The following TERF2 variants were observed in gnomAD, a reference collection of about 807,000 sequenced individuals.
The protein encoded by TERF2 is telomeric repeat binding factor 2.
In TERF2, 16 loss-of-function variants were observed where a neutral mutation model predicts 56.1. That is an observed-to-expected ratio of 0.29 (90% confidence interval 0.19 to 0.43). The LOEUF (loss-of-function observed/expected upper bound fraction) is 0.43, where lower values mean the gene tolerates loss of function less well. TERF2 is among the 20% of genes least tolerant of loss of function. TERF2 has a pLI of 1.00. For synonymous variants in TERF2, 296 were observed against 282.1 expected (o/e 1.05, Z -0.50); for missense variants, 547 against 712.9 (o/e 0.77, Z 2.65).
At chr16:69,383,463 A>G (rs1255301477) in intron 3 of TERF2, among the ~76,000 whole-genome samples, 1 of 152,250 alleles carries the variant, frequency 6.6e-6, no homozygotes, top group East Asian at 1.9e-4. Flanking sequence ...TTCTGAAAGT[A>G]GGCATGAATT....
In TERF2 at chr16:69,356,247, C is replaced by T. The variant is rs1240222336; in HGVS notation, c.*651G>A. ...ACAGGTCATGGAGTCACAAGTGGCT[C>T]CTAATAGACTTCACCATTTCCTAGG... On this transcript the variant is annotated 3_prime_UTR_variant, in exon 10 of 10. Transcript: ENST00000254942. 4.4e-6 allele frequency: 2 copies of T among 452,220 alleles called. No individual in the cohort carries two copies. The highest frequency in any genetic ancestry group is 8.9e-6 in the Non-Finnish European group (2 of 225,694). 28.0% of individuals were successfully genotyped at this position (452,220 alleles called of 1,614,324 possible). A position where few individuals can be genotyped will look rare whatever the true frequency, so the allele number is the denominator to read the frequency against.
intron 3 of TERF2, among the ~76,000 whole-genome samples, chr16:69,380,638 C>G (rs1946232160): frequency 6.9e-6 from 1 of 145,110 alleles, no homozygotes; most frequent in African/African-American, 2.6e-5. Flanking sequence ...GCCTGGGCGA[C>G]AGAGAGAGAC....
intron 7 of TERF2, 150 bp from the exon 8 acceptor site, chr16:69,361,639 C>A (rs1335194060): frequency 1.5e-6 from 1 of 645,218 alleles, no homozygotes; most frequent in Non-Finnish European, 2.8e-6. Context: ...CCCAAAGCCA[C>A]TGTCCTTTCT....
At chr16:69,362,305 C>G (rs952290734) in intron 7 of TERF2, among the ~76,000 whole-genome samples, 2 of 152,034 alleles carry the variant, frequency 1.3e-5, no homozygotes, top group African/African-American at 4.8e-5. Context: ...GTGAAGCCTC[C>G]TCTAACTACC....
intron 8 of TERF2, among the ~76,000 whole-genome samples, chr16:69,358,913 A>G (rs1258383276): frequency 6.6e-6 from 1 of 152,234 alleles, no homozygotes; most frequent in African/African-American, 2.4e-5. Flanking sequence ...TGCCTACGAT[A>G]TATGGTGTAG....
At chr16:69,359,507 A>G (rs1361011639) in intron 8 of TERF2, among the ~76,000 whole-genome samples, 6 of 147,792 alleles carry the variant, frequency 4.1e-5, no homozygotes, top group Non-Finnish European at 7.5e-5. Context: ...CAGCCTGGGC[A>G]ACAGAGCGAG....
At chr16:69,383,182 TAAATCTGA>T (rs1567457047) in intron 3 of TERF2, among the ~76,000 whole-genome samples, 1 of 152,182 alleles carries the variant, frequency 6.6e-6, no homozygotes, top group Non-Finnish European at 1.5e-5. Context: ...TTGAGCATCC[TAAATCTGA>T]AAATCCGAAA....
rs759038692 is a variant in TERF2, at chr16:69,372,369, GA to G, written c.607-15del. Reference sequence around the variant, plus strand: ...AATAATGACAGCCTAAAAAGGAGGGGAAAAATCTTTTTTTACTTTTGTAATG... The same window carrying G: ...AATAATGACAGCCTAAAAAGGAGGGGAAAATCTTTTTTTACTTTTGTAATG... On this transcript the variant is annotated splice_polypyrimidine_tract_variant and intron_variant, in intron 3 of 9. Transcript: ENST00000254942. The G allele has an allele frequency of 6.4e-7, 1 of 1,560,972 alleles. No homozygotes were observed. The highest frequency in any genetic ancestry group is 1.2e-5 in the South Asian group (1 of 85,890).
In TERF2 at chr16:69,357,048, A is replaced by G. The variant is rs1335353146; in HGVS notation, c.1479T>C (p.Thr493=). ...TTNITKKQKW[T]VEESEWVKAG... Reference sequence around the variant, plus strand: ...CCTTGACCCACTCGCTTTCTTCTACAGTCCACTTCTGCAAAAGAAAACCAA... The same window carrying G: ...CCTTGACCCACTCGCTTTCTTCTACGGTCCACTTCTGCAAAAGAAAACCAA... Residue 493 remains threonine (T), a synonymous_variant, in exon 10 of 10, where the codon ACT becomes ACC. Coordinates refer to ENST00000254942, the MANE Select transcript of TERF2 (RefSeq NM_005652.5). The G allele has an allele frequency of 1.2e-6, 2 of 1,602,972 alleles. No individual in the cohort carries two copies. The highest frequency in any genetic ancestry group is 1.7e-6 in the Non-Finnish European group (2 of 1,177,172).
chr16:69,357,438 C>CT, intron 9 of TERF2, 80 bp downstream of exon 9: 1 of 1,228,060 alleles, frequency 8.1e-7, no homozygotes, highest in Non-Finnish European at 1.2e-6. Context: ...CATAACCAGT[C>CT]TATACCTGTG....
intron 7 of TERF2, chr16:69,365,439 C>G (rs1278249747): frequency 2.0e-5 from 3 of 152,376 alleles, no homozygotes; most frequent in African/African-American, 7.2e-5. Flanking sequence ...CAACACAGAG[C>G]AGAGGCAGAG....
intron 8 of TERF2, among the ~76,000 whole-genome samples, chr16:69,357,846 C>CTT (rs71383989): frequency 6.3e-4 from 77 of 121,916 alleles, no homozygotes; most frequent in South Asian, 1.1e-3. Flanking sequence ...ACATCGTTTT[C>CTT]TTTTTTTTTT....
chr16:69,356,463 C>G lies in TERF2; in HGVS notation c.*435G>C, dbSNP rs1320932837. The stretch of plus-strand genomic sequence containing the variant: ...AGTGGAAATGGGACCTCCCCCACGT[C>G]GAAGGAGGTTGCCCAAAATTCTCAT... On this transcript the variant is annotated 3_prime_UTR_variant, in exon 10 of 10. Coordinates refer to ENST00000254942, the MANE Select transcript of TERF2 (RefSeq NM_005652.5). 2 of 267,836 alleles carry G rather than the reference C, an allele frequency of 7.5e-6. No homozygotes were observed. The highest frequency in any genetic ancestry group is 2.3e-5 in the African/African-American group (1 of 43,974). The allele number at this position is 267,836 out of a possible 1,614,324, so 16.6% of individuals were successfully genotyped here.
At chr16:69,374,610 G>C (rs1287291595) in intron 3 of TERF2, among the ~76,000 whole-genome samples, 1 of 111,550 alleles carries the variant, frequency 9.0e-6, no homozygotes, top group Non-Finnish European at 1.7e-5. Context: ...GCAGTAAAGC[G>C]AGACCCTCTC....
At chr16:69,361,059 C>G (rs778844753) in intron 8 of TERF2, among the ~76,000 whole-genome samples, 9 of 151,446 alleles carry the variant, frequency 5.9e-5, no homozygotes, top group Non-Finnish European at 1.0e-4. Flanking sequence ...AAAGTGAGAC[C>G]CCATCTCTAC....
rs957762814 is a variant in TERF2, at chr16:69,368,699, G to C, written c.841-217C>G. 6.6e-6 allele frequency: 8 copies of C among 1,213,914 alleles called. No individual in the cohort carries two copies. The African/African-American group carries it at 1.2e-4, about 19-fold the overall frequency. 75.2% of individuals were successfully genotyped at this position (1,213,914 alleles called of 1,614,324 possible). A position where few individuals can be genotyped will look rare whatever the true frequency, so the allele number is the denominator to read the frequency against. ...GATAACTAATACATTTTTTTTGAGA[G>C]GGAGTCTTGCTCTGTCGCCCAGGCT... On this transcript the variant is annotated intron_variant, in intron 5 of 9. Coordinates refer to ENST00000254942, the MANE Select transcript of TERF2 (RefSeq NM_005652.5).
At chr16:69,382,387 T>C (rs2014035660) in intron 3 of TERF2, among the ~76,000 whole-genome samples, 1 of 152,214 alleles carries the variant, frequency 6.6e-6, no homozygotes, top group African/African-American at 2.4e-5. Flanking sequence ...ACAAAGTAAA[T>C]TGAAGAGATG....
chr16:69,373,985 A>G (rs1249008817), intron 3 of TERF2, among the ~76,000 whole-genome samples: 3 of 152,250 alleles, frequency 2.0e-5, no homozygotes, highest in East Asian at 3.8e-4. Context: ...GCACAGCCAT[A>G]CAGGGCGGAA....
intron 3 of TERF2, 115 bp from the exon 4 acceptor site, chr16:69,372,470 A>T (rs2013612424): frequency 2.8e-6 from 2 of 720,524 alleles, no homozygotes; most frequent in Non-Finnish European, 4.4e-6. Context: ...CTTAAAAACT[A>T]ACAATTATAA....
Sources: allele counts gnomAD v4.1 joint callset (sites outside exome capture counted in the v4.1 genomes callset), GRCh38; gene constraint gnomAD v4.1.1; transcripts MANE v1.5; gene names NCBI Gene and HGNC (gene_info 2026-07-23, HGNC 2026-07-21).